Variants in AK5 observed in about 807,000 individuals in gnomAD.
AK5 encodes adenylate kinase 5.
A neutral mutation model predicts 69.5 loss-of-function variants in AK5; 27 were observed. The observed-to-expected ratio is 0.39, with a 90% confidence interval of 0.29 to 0.54. The LOEUF is 0.54. AK5 is among the 20% of genes least tolerant of loss of function. The pLI, the probability that AK5 is intolerant of heterozygous loss-of-function variation, is 0.71. For synonymous variants in AK5, 260 were observed against 244.4 expected, an observed-to-expected ratio of 1.06 and a Z score of -0.60; for missense variants, 531 against 700.4, an observed-to-expected ratio of 0.76 and a Z score of 2.73.
intron 12 of AK5, among the ~76,000 whole-genome samples, chr1:77,534,887 C>T (rs927697515): frequency 1.6e-4 from 24 of 152,282 alleles, no homozygotes; most frequent in African/African-American, 5.3e-4. Flanking sequence ...TATTATCTCT[C>T]GTGGTTCTGG....
chr1:77,513,113 C>G (rs577976966), intron 10 of AK5, among the ~76,000 whole-genome samples: 6 of 152,338 alleles, frequency 3.9e-5, no homozygotes, highest in Non-Finnish European at 7.3e-5. Flanking sequence ...CTTCATGATA[C>G]TTCATACTCC....
intron 6 of AK5, among the ~76,000 whole-genome samples, chr1:77,374,131 T>C (rs1647179538): frequency 6.6e-6 from 1 of 152,220 alleles, no homozygotes; most frequent in Admixed American, 6.5e-5. Context: ...GTATCTCAGC[T>C]TCTTTACTGA....
chr1:77,443,510 A>G (rs2100640729), intron 8 of AK5, among the ~76,000 whole-genome samples: 1 of 152,214 alleles, frequency 6.6e-6, no homozygotes, highest in East Asian at 1.9e-4. Flanking sequence ...TAGACCATCC[A>G]GGAAGTATTT....
At chr1:77,554,440 T>G (rs928339451) in intron 13 of AK5, among the ~76,000 whole-genome samples, 11 of 152,282 alleles carry the variant, frequency 7.2e-5, no homozygotes, top group Non-Finnish European at 1.5e-4. Flanking sequence ...CTAGTCCTAG[T>G]TCAGTCCCTT....
At chr1:77,506,897 G>T (rs1047096921) in intron 10 of AK5, among the ~76,000 whole-genome samples, 1 of 152,108 alleles carries the variant, frequency 6.6e-6, no homozygotes, top group African/African-American at 2.4e-5. Context: ...TATTCTGGAT[G>T]CTGAGTCAGG....
intron 6 of AK5, among the ~76,000 whole-genome samples, chr1:77,408,951 T>C (rs4491097): frequency 0.31 from 47,088 of 152,026 alleles, 7,609 homozygotes; most frequent in African/African-American, 0.37. Context: ...GTCTGTTGTT[T>C]CCTTCTTTGT....
At chr1:77,531,989 T>TCCGGCCAG (rs371302382) in intron 12 of AK5, 1 of 148,532 alleles carries the variant, frequency 6.7e-6, no homozygotes, top group African/African-American at 2.5e-5. Context: ...CCTGCGGCCA[T>TCCGGCCAG]CCGGCCGGCC....
intron 6 of AK5, among the ~76,000 whole-genome samples, chr1:77,392,904 G>T (rs188374957): frequency 2.0e-5 from 3 of 151,782 alleles, no homozygotes; most frequent in Admixed American, 2.0e-4. Flanking sequence ...CATAGTAGTG[G>T]GATTTCCTTT....
chr1:77,496,096 G>A (rs1359484852), intron 10 of AK5, among the ~76,000 whole-genome samples: 3 of 152,224 alleles, frequency 2.0e-5, no homozygotes, highest in Non-Finnish European at 4.4e-5. Flanking sequence ...CAATGGCAGA[G>A]GCACAGGCAA....
chr1:77,535,924 G>C lies in AK5; in HGVS notation c.1506G>C (p.Arg502=). Residue 502 remains arginine (R), a synonymous_variant, in exon 13 of 14, where the codon CGG becomes CGC. Coordinates refer to ENST00000354567, the MANE Select transcript of AK5 (RefSeq NM_174858.3). ...CCAACCGCCTTCTCCAAAGGAGCCG[G>C]AGCAGCCTGCCTGTGGACGACACCA... ...TMTNRLLQRS[R]SSLPVDDTTK... 6.2e-7 allele frequency: 1 copy of C among 1,613,914 alleles called. No individual in the cohort carries two copies. Among genetic ancestry groups the C allele is most frequent in the Non-Finnish European group, 8.5e-7 (1 of 1,179,984 alleles).
At chr1:77,367,527 C>CTATG (rs1469763380) in intron 6 of AK5, among the ~76,000 whole-genome samples, 1 of 103,192 alleles carries the variant, frequency 9.7e-6, no homozygotes, top group African/African-American at 3.7e-5. Flanking sequence ...CAGGTTTTCC[C>CTATG]TATGTTGCCC....
intron 5 of AK5, among the ~76,000 whole-genome samples, chr1:77,309,143 G>C (rs973798616): frequency 6.6e-6 from 1 of 151,922 alleles, no homozygotes; most frequent in Admixed American, 6.5e-5. Flanking sequence ...TTAATACCTA[G>C]GTGATGAGTT....
chr1:77,297,797 T>A (rs760787124), intron 4 of AK5, 37 bp from the exon 5 acceptor site: 2 of 1,606,662 alleles, frequency 1.2e-6, no homozygotes, highest in Non-Finnish European at 1.7e-6. Flanking sequence ...TAAGTTTAAC[T>A]GTGGGGTTTT....
At chr1:77,545,329 A>T (rs547763460) in intron 13 of AK5, among the ~76,000 whole-genome samples, 41 of 152,082 alleles carry the variant, frequency 2.7e-4, no homozygotes, top group Non-Finnish European at 5.0e-4. Flanking sequence ...ACACACAACC[A>T]TGGTGGGGGA....
At chr1:77,363,124 C>T (rs938207320) in intron 6 of AK5, among the ~76,000 whole-genome samples, 2 of 152,164 alleles carry the variant, frequency 1.3e-5, no homozygotes, top group Non-Finnish European at 2.9e-5. Context: ...TAATAGGCGT[C>T]TCAGGTGTAA....
At chr1:77,417,529 T>A in intron 7 of AK5, 110 bp from the exon 8 acceptor site, 1 of 701,044 alleles carries the variant, frequency 1.4e-6, no homozygotes, top group East Asian at 2.7e-5. Flanking sequence ...TAGAAATGTT[T>A]GTGAATTTAA....
chr1:77,305,904 A>T (rs116552586), intron 5 of AK5, among the ~76,000 whole-genome samples: 1,665 of 152,056 alleles, frequency 0.011, 8 homozygotes, highest in South Asian at 0.026. Flanking sequence ...TTTGTTAGGG[A>T]TTAGATTGAA....
chr1:77,448,786 G>A (rs1253041617), intron 8 of AK5, among the ~76,000 whole-genome samples: 1 of 152,216 alleles, frequency 6.6e-6, no homozygotes, highest in East Asian at 1.9e-4. Flanking sequence ...AACTCCCTGA[G>A]CCAGGGCTGT....
intron 8 of AK5, among the ~76,000 whole-genome samples, chr1:77,443,594 A>G (rs1393107586): frequency 3.3e-5 from 5 of 151,814 alleles, no homozygotes; most frequent in Non-Finnish European, 7.4e-5. Context: ...TGTGACAGGG[A>G]CACTGTAGAG....
Sources: gnomAD v4.1 joint callset for allele counts (sites outside exome capture counted in the v4.1 genomes callset) on GRCh38, gnomAD v4.1.1 for gene constraint, MANE v1.5 for transcripts, NCBI Gene and HGNC (gene_info 2026-07-23, HGNC 2026-07-21) for gene names.